Variants in TSPAN18 observed in about 807,000 individuals in gnomAD.
TSPAN18 encodes the protein tetraspanin 18.
In TSPAN18, 14 loss-of-function variants were observed where a neutral mutation model predicts 27.3. The ratio of observed to expected loss-of-function variants is 0.51; its 90% CI spans 0.34 to 0.80. The LOEUF (loss-of-function observed/expected upper bound fraction) is 0.80. TSPAN18 is among the 30% of genes least tolerant of loss of function. TSPAN18 has a pLI of 0.01. For synonymous variants in TSPAN18, 143 were observed against 136.5 expected (o/e 1.05, Z -0.33); for missense variants, 268 against 323.9 (o/e 0.83, Z 1.32).
intron 2 of TSPAN18, among the ~76,000 whole-genome samples, chr11:44,797,155 A>G (rs990265646): frequency 6.6e-6 from 1 of 152,188 alleles, no homozygotes; most frequent in Non-Finnish European, 1.5e-5. Flanking sequence ...TCTGTTGAGT[A>G]GGTTGGACCC....
chr11:44,908,325 C>T (rs540373946), intron 4 of TSPAN18, among the ~76,000 whole-genome samples: 85 of 152,254 alleles, frequency 5.6e-4, no homozygotes, highest in African/African-American at 1.9e-3. Context: ...CTTGGGCCTC[C>T]GGTCCTCCCA....
rs539366132 is a variant in TSPAN18 at position 44,777,090 on chromosome 11, C to G, written c.-153+12578C>G. On this transcript the variant is annotated intron_variant, in intron 2 of 9. Coordinates refer to ENST00000520358, the MANE Select transcript of TSPAN18 (RefSeq NM_130783.5). ...ACCTGAGGGTAGCTTAGGAGCGGACCTAGATGGGAGACTTCTGCCCTGCCA... is the reference window on the plus strand; with the variant it reads ...ACCTGAGGGTAGCTTAGGAGCGGACGTAGATGGGAGACTTCTGCCCTGCCA... 1.7e-3 allele frequency among the ~76,000 whole-genome samples: 265 copies of G among 152,184 alleles called. 1 individual carries two copies. Among genetic ancestry groups the G allele is most frequent in the Non-Finnish European group, 2.9e-3 (198 of 68,024 alleles).
At chr11:44,777,795 A>G (rs1413482479) in intron 2 of TSPAN18, among the ~76,000 whole-genome samples, 2 of 152,048 alleles carry the variant, frequency 1.3e-5, no homozygotes, top group African/African-American at 4.8e-5. Context: ...TGCCAGCTCC[A>G]GGAGGGTGTC....
intron 3 of TSPAN18, among the ~76,000 whole-genome samples, chr11:44,862,473 C>G (rs1857923101): frequency 6.6e-6 from 1 of 152,224 alleles, no homozygotes; most frequent in Non-Finnish European, 1.5e-5. Context: ...CAGCTCAGCG[C>G]TCAGCACCAC....
chr11:44,792,207 G>A (rs1856241605), intron 2 of TSPAN18, among the ~76,000 whole-genome samples: 1 of 152,178 alleles, frequency 6.6e-6, no homozygotes, highest in South Asian at 2.1e-4. Flanking sequence ...GAAATTCAGT[G>A]AGTGATGCCG....
intron 2 of TSPAN18, among the ~76,000 whole-genome samples, chr11:44,819,431 C>A (rs1449976324): frequency 1.3e-5 from 2 of 152,142 alleles, no homozygotes; most frequent in Non-Finnish European, 2.9e-5. Context: ...GGGAGGTGGA[C>A]TGTGCGCATG....
chr11:44,751,111 G>A (rs1855200525), intron 1 of TSPAN18, among the ~76,000 whole-genome samples: 1 of 152,238 alleles, frequency 6.6e-6, no homozygotes, highest in Non-Finnish European at 1.5e-5. Context: ...CACCCAAGGT[G>A]TGTCCGGCTG....
chr11:44,915,699 C>T (rs1859880381), intron 5 of TSPAN18, among the ~76,000 whole-genome samples: 1 of 152,214 alleles, frequency 6.6e-6, no homozygotes, highest in Non-Finnish European at 1.5e-5. Context: ...GGAGCAGACA[C>T]AGCCTGGCGC....
At chr11:44,797,507 T>C (rs1326764614) in intron 2 of TSPAN18, among the ~76,000 whole-genome samples, 2 of 152,056 alleles carry the variant, frequency 1.3e-5, no homozygotes, top group Non-Finnish European at 2.9e-5. Flanking sequence ...GGGAGGAGTA[T>C]GGAGACTGAT....
At chr11:44,908,783 G>GAAAGAAAGAA (rs1564992724) in intron 4 of TSPAN18, among the ~76,000 whole-genome samples, 1 of 110,780 alleles carries the variant, frequency 9.0e-6, no homozygotes, top group Non-Finnish European at 1.8e-5. Flanking sequence ...AAGAAAGAAA[G>GAAAGAAAGAA]AAAGAAAGAA....
chr11:44,832,373 T>A (rs1485646516), intron 2 of TSPAN18, among the ~76,000 whole-genome samples: 1 of 152,222 alleles, frequency 6.6e-6, no homozygotes, highest in Non-Finnish European at 1.5e-5. Context: ...CTCCACTTGA[T>A]GGAGAGTAAA....
chr11:44,926,063 T>G (rs1860341237), intron 8 of TSPAN18, among the ~76,000 whole-genome samples: 1 of 152,178 alleles, frequency 6.6e-6, no homozygotes, highest in Admixed American at 6.5e-5. Context: ...CCAGGGCCTG[T>G]GGACTGGGCT....
At chr11:44,761,771 G>A (rs1306127292) in intron 1 of TSPAN18, among the ~76,000 whole-genome samples, 7 of 152,184 alleles carry the variant, frequency 4.6e-5, no homozygotes, top group Admixed American at 4.6e-4. Flanking sequence ...TACGTGTTCC[G>A]TGCAGTCCCT....
intron 8 of TSPAN18, among the ~76,000 whole-genome samples, chr11:44,922,929 A>G (rs934519145): frequency 2.6e-5 from 4 of 152,088 alleles, no homozygotes; most frequent in Admixed American, 2.6e-4. Context: ...GCCAACACGG[A>G]GAAACCCCGT....
At chr11:44,791,739 A>T (rs2135044019) in intron 2 of TSPAN18, among the ~76,000 whole-genome samples, 1 of 152,304 alleles carries the variant, frequency 6.6e-6, no homozygotes, top group South Asian at 2.1e-4. Flanking sequence ...GCGTTGCCAG[A>T]GAGGGCTCAC....
chr11:44,840,235 G>A (rs558168861), intron 2 of TSPAN18, among the ~76,000 whole-genome samples: 140 of 152,326 alleles, frequency 9.2e-4, no homozygotes, highest in African/African-American at 3.2e-3. Flanking sequence ...GCGAGGGCAT[G>A]GCACAGTGCC....
chr11:44,767,642 T>C (rs543910679), intron 2 of TSPAN18, among the ~76,000 whole-genome samples: 20 of 152,376 alleles, frequency 1.3e-4, no homozygotes, highest in African/African-American at 4.8e-4. Context: ...TTTTTGTTAT[T>C]GTTGCTCAAG....
intron 5 of TSPAN18, among the ~76,000 whole-genome samples, chr11:44,916,442 T>G (rs773829541): frequency 3.9e-5 from 6 of 152,140 alleles, no homozygotes; most frequent in Admixed American, 2.6e-4. Flanking sequence ...CCACAGAGGA[T>G]CCTGCTCGTG....
At position 44,849,056 on chromosome 11, in the gene TSPAN18, G is replaced by A. The variant is rs184027402; in HGVS notation, c.-152-11272G>A. ...GGAGAACACATCTCTTAGCTGGGTT[G>A]TTGGTTTTGAGATCAGGAGGGAAAG... On this transcript the variant is annotated intron_variant, in intron 2 of 9. Transcript: ENST00000520358. Among the ~76,000 whole-genome samples, 720 of 152,366 alleles carry A rather than the reference G, an allele frequency of 4.7e-3. 2 individuals are homozygous for A. Among genetic ancestry groups the A allele is most frequent in the Non-Finnish European group, 7.7e-3 (521 of 68,036 alleles).
Sources: gnomAD v4.1 joint callset for allele counts (sites outside exome capture counted in the v4.1 genomes callset) on GRCh38, gnomAD v4.1.1 for gene constraint, MANE v1.5 for transcripts, NCBI Gene and HGNC (gene_info 2026-07-23, HGNC 2026-07-21) for gene names.